Variants in WRN observed in about 807,000 individuals in gnomAD.
WRN encodes the protein WRN RecQ like helicase.
WRN carries 149 observed loss-of-function variants against 180.7 expected under a neutral mutation model. The observed-to-expected ratio is 0.82, with a 90% CI of 0.72 to 0.94. The LOEUF is 0.94. WRN is among the 40% of genes least tolerant of loss of function. The pLI, the probability that WRN is intolerant of heterozygous loss-of-function variation, is 0.00. For missense variants in WRN, 1,661 were observed against 1,700.1 expected, an observed-to-expected ratio of 0.98 and a Z score of 0.40; for synonymous variants, 548 against 568.9, an observed-to-expected ratio of 0.96 and a Z score of 0.52.
At position 31,058,393 on chromosome 8, in the gene WRN, G is replaced by T; in HGVS notation, c.-55G>T. On this transcript the variant is annotated 5_prime_UTR_variant, in exon 2 of 35. Transcript: ENST00000298139. Reference sequence around the variant, plus strand: ...TCAGTTTTCTTTCAGATATTGTTTTGTATTTACCCATGAAGACATTGTTTT... The same window carrying T: ...TCAGTTTTCTTTCAGATATTGTTTTTTATTTACCCATGAAGACATTGTTTT... The T allele has an allele frequency of 6.9e-7, 1 of 1,452,874 alleles. No homozygotes were observed. The highest frequency in any genetic ancestry group is 9.6e-7 in the Non-Finnish European group (1 of 1,041,438). The allele number at this position is 1,452,874 out of a possible 1,614,324, so 90.0% of individuals were successfully genotyped here.
At chr8:31,132,564 T>C (rs1802226910) in intron 24 of WRN, 58 bp downstream of exon 24, 2 of 1,610,602 alleles carry the variant, frequency 1.2e-6, no homozygotes, top group African/African-American at 1.3e-5. Context: ...ATTACACTTT[T>C]CTTCAGAGGT....
chr8:31,127,827 G>C (rs2130356745), intron 23 of WRN, among the ~76,000 whole-genome samples: 1 of 152,274 alleles, frequency 6.6e-6, no homozygotes, highest in South Asian at 2.1e-4. Context: ...TGGAGGCTAA[G>C]GTGGAAAGAT....
chr8:31,040,322 A>G (rs1407153046), intron 1 of WRN, among the ~76,000 whole-genome samples: 3 of 152,242 alleles, frequency 2.0e-5, no homozygotes, highest in Admixed American at 6.5e-5. Flanking sequence ...TAGGCTGTTT[A>G]TATAACTTTG....
intron 7 of WRN, among the ~76,000 whole-genome samples, chr8:31,073,012 G>A (rs1812967806): frequency 6.6e-6 from 1 of 152,150 alleles, no homozygotes; most frequent in African/African-American, 2.4e-5. Context: ...AGGAGCTTGG[G>A]CCATATCACG....
chr8:31,154,818 C>T (rs1054700336), intron 32 of WRN, 63 bp downstream of exon 32: 2 of 1,594,236 alleles, frequency 1.3e-6, no homozygotes, highest in Non-Finnish European at 1.7e-6. Context: ...GTTTTATCAG[C>T]TTTTTAGTAT....
Position 31,174,611 on chromosome 8 carries a change from G to A in WRN, c.*1509G>A, listed in dbSNP as rs530903419. 1.3e-5 allele frequency among the ~76,000 whole-genome samples: 2 copies of A among 152,186 alleles called. No homozygotes were observed. Among genetic ancestry groups the A allele is most frequent in the South Asian group, 4.2e-4 (2 of 4,818 alleles). ...TTTGGAAAAGTTGTGTTCCTCCACT[G>A]GAAGCTTGACAGCTTTCCTTAACAT... On this transcript the variant is annotated 3_prime_UTR_variant, in exon 35 of 35. Coordinates refer to ENST00000298139, the MANE Select transcript of WRN (RefSeq NM_000553.6).
rs1447163049 is a variant in WRN at position 31,143,542 on chromosome 8, A to T, written c.3310-8A>T. ...TTTTTTAATGGACCTTTATATGTTT[A>T]AATGCAGTCTAACTTGGAGAAGTTA... On this transcript the variant is annotated splice_polypyrimidine_tract_variant and splice_region_variant and intron_variant, in intron 27 of 34. Transcript: ENST00000298139. 6.4e-7 allele frequency: 1 copy of T among 1,570,754 alleles called. No individual in the cohort carries two copies. Among genetic ancestry groups the T allele is most frequent in the African/African-American group, 1.4e-5 (1 of 73,906 alleles).
At position 31,065,071 on chromosome 8, in the gene WRN, C is replaced by A. The variant is rs1812643102; in HGVS notation, c.504+8C>A. 1 of 1,608,798 alleles carries A rather than the reference C, an allele frequency of 6.2e-7. No individual in the cohort carries two copies. Among genetic ancestry groups the A allele is most frequent in the Non-Finnish European group, 8.5e-7 (1 of 1,176,690 alleles). Reference sequence around the variant, plus strand: ...GATGTTGCCAATAAAAAGGTAAAAGCAATATATATATAATTTTCATGATGA... The same window carrying A: ...GATGTTGCCAATAAAAAGGTAAAAGAAATATATATATAATTTTCATGATGA... On this transcript the variant is annotated splice_region_variant and intron_variant, in intron 5 of 34. Transcript: ENST00000298139.
At chr8:31,097,317 A>G (rs561588708) in intron 17 of WRN, among the ~76,000 whole-genome samples, 1 of 152,228 alleles carries the variant, frequency 6.6e-6, no homozygotes, top group South Asian at 2.1e-4. Flanking sequence ...CAAACTTTAA[A>G]AAAAATGTAG....
At position 31,147,447 on chromosome 8, in the gene WRN, C is replaced by CA. The variant is rs770556928; in HGVS notation, c.3545dup (p.Ile1183AspfsTer14). 1 of 1,613,874 alleles carries CA rather than the reference C, an allele frequency of 6.2e-7. No individual in the cohort carries two copies. The highest frequency in any genetic ancestry group is 8.5e-7 in the Non-Finnish European group (1 of 1,179,954). On this transcript the variant is annotated frameshift_variant, in exon 30 of 35. Transcript: ENST00000298139. LOFTEE classifies it high-confidence loss of function. ...TTCCCCCAGCTATTCTGGCAACAAA[C>CA]AAGATACTGGTGGATATGGCCAAAA...
chr8:31,068,913 C>A (rs770118973), intron 7 of WRN, among the ~76,000 whole-genome samples: 46 of 152,270 alleles, frequency 3.0e-4, no homozygotes, highest in Admixed American at 3.9e-4. Context: ...GCAGAAGGAG[C>A]CACGTAGTAG....
chr8:31,061,255 G>C (rs1192238578), intron 3 of WRN, among the ~76,000 whole-genome samples: 6 of 151,532 alleles, frequency 4.0e-5, no homozygotes. Context: ...TGTAGTGTCT[G>C]GTCTGTTTAT....
chr8:31,147,589 A>G (rs910213425), intron 30 of WRN, 113 bp downstream of exon 30: 9 of 974,694 alleles, frequency 9.2e-6, no homozygotes, highest in African/African-American at 8.1e-5. Flanking sequence ...CTGGGAGGTG[A>G]CTCAGATTCC....
intron 1 of WRN, among the ~76,000 whole-genome samples, chr8:31,037,394 T>A (rs1199250079): frequency 6.6e-6 from 1 of 152,228 alleles, no homozygotes; most frequent in Non-Finnish European, 1.5e-5. Flanking sequence ...ACCTACTGCT[T>A]TGTGGCCTGG....
At chr8:31,107,449 C>G (rs1481931942) in intron 18 of WRN, among the ~76,000 whole-genome samples, 1 of 152,112 alleles carries the variant, frequency 6.6e-6, no homozygotes, top group Non-Finnish European at 1.5e-5. Flanking sequence ...ATTTTCATTT[C>G]TTGGGAGGAT....
At chr8:31,135,865 A>G (rs1802379019) in intron 24 of WRN, among the ~76,000 whole-genome samples, 1 of 151,690 alleles carries the variant, frequency 6.6e-6, no homozygotes, top group African/African-American at 2.4e-5. Context: ...ATACCGTTGT[A>G]AAGACTTTGC....
Position 31,082,671 on chromosome 8 carries a change from A to C in WRN, c.1270-1028A>C, listed in dbSNP as rs903484269. Among the ~76,000 whole-genome samples, 126 of 151,638 alleles carry C rather than the reference A, an allele frequency of 8.3e-4. 4 individuals carry two copies. Among genetic ancestry groups the C allele is most frequent in the Non-Finnish European group, 1.5e-5 (1 of 67,960 alleles). ...GAGTGCCGTGGCGCAGTCTTGGCTC[A>C]CTACAACCTCTGCCTCCCCGGTTCA... On this transcript the variant is annotated intron_variant, in intron 9 of 34. Transcript: ENST00000298139.
rs191415789 is a variant in WRN at position 31,117,139 on chromosome 8, G to A, written c.2448+611G>A. On this transcript the variant is annotated intron_variant, in intron 20 of 34. Coordinates refer to ENST00000298139, the MANE Select transcript of WRN (RefSeq NM_000553.6). ...CTGTTAGTTTTCACTGACTACTTTAGCCTTAGAATTTTTAGTTTAGATACA... is the reference window on the plus strand; with the variant it reads ...CTGTTAGTTTTCACTGACTACTTTAACCTTAGAATTTTTAGTTTAGATACA... Among the ~76,000 whole-genome samples, 7 of 152,280 alleles carry A rather than the reference G, an allele frequency of 4.6e-5. 1 individual carries two copies. The East Asian group carries it at 1.4e-3, about 29-fold the overall frequency.
At chr8:31,170,092 A>G (rs1268179415) in intron 34 of WRN, among the ~76,000 whole-genome samples, 1 of 152,138 alleles carries the variant, frequency 6.6e-6, no homozygotes. Flanking sequence ...AGATGTCAGT[A>G]CTGTGCAGGT....
Sources: gnomAD v4.1 joint callset for allele counts (sites outside exome capture counted in the v4.1 genomes callset) on GRCh38, gnomAD v4.1.1 for gene constraint, MANE v1.5 for transcripts, NCBI Gene and HGNC (gene_info 2026-07-23, HGNC 2026-07-21) for gene names.